The following NEK5 variants were observed in gnomAD, a reference collection of about 807,000 sequenced individuals.
The protein encoded by NEK5 is NIMA related kinase 5, also known as serine/threonine-protein kinase Nek5.
A neutral mutation model predicts 109.2 loss-of-function variants in NEK5; 88 were observed. That is an observed-to-expected ratio of 0.81 (90% confidence interval 0.68 to 0.96). NEK5 has a LOEUF of 0.96. Ranked by LOEUF, NEK5 falls within the 40% of genes least tolerant of loss-of-function variation. The pLI, the probability that NEK5 is intolerant of heterozygous loss-of-function variation, is 0.00. For synonymous variants in NEK5, 283 were observed against 299.9 expected, an observed-to-expected ratio of 0.94 and a Z score of 0.58; for missense variants, 834 against 920.7, an observed-to-expected ratio of 0.91 and a Z score of 1.22.
intron 22 of NEK5, among the ~76,000 whole-genome samples, chr13:52,054,350 T>C (rs1954533712): frequency 6.6e-6 from 1 of 152,244 alleles, no homozygotes; most frequent in Non-Finnish European, 1.5e-5. Context: ...AGTTGGAGTC[T>C]CACTCTGTCA....
Position 52,116,810 on chromosome 13 carries a change from G to A in NEK5, c.214+2509C>T, listed in dbSNP as rs147509942. ...ATGCCTGGCATATAACAGACACTTA[G>A]TGAATGTTTATTGATGGAATATACA... On this transcript the variant is annotated intron_variant, in intron 4 of 23. Transcript: ENST00000684899. Among the ~76,000 whole-genome samples the A allele has an allele frequency of 5.9e-3, 895 of 152,258 alleles. 10 individuals are homozygous for A. The highest frequency in any genetic ancestry group is 0.021 in the African/African-American group (853 of 41,522).
Position 52,037,661 on chromosome 13 carries a change from C to T in NEK5, c.2229-443G>A, listed in dbSNP as rs1257339390. Among the ~76,000 whole-genome samples, 4 of 152,146 alleles carry T rather than the reference C, an allele frequency of 2.6e-5. No individual in the cohort carries two copies. The East Asian group carries it at 7.7e-4, about 29-fold the overall frequency. On this transcript the variant is annotated intron_variant, in intron 23 of 23. Transcript: ENST00000684899. The stretch of plus-strand genomic sequence containing the variant: ...AAATGTGGCCGGGCGCGGTGGCTCA[C>T]GCCTGTAATCCCAGCACTTTGGGAG...
chr13:52,118,114 C>T (rs188454155), intron 4 of NEK5, among the ~76,000 whole-genome samples: 28 of 152,268 alleles, frequency 1.8e-4, no homozygotes, highest in Admixed American at 1.3e-3. Flanking sequence ...TTGAATGTAG[C>T]GGTTTTAATC....
chr13:52,082,043 G>A (rs1290097773), intron 17 of NEK5, among the ~76,000 whole-genome samples: 1 of 152,184 alleles, frequency 6.6e-6, no homozygotes, highest in African/African-American at 2.4e-5. Context: ...CGCTCAGGCG[G>A]GGTGGCTCAT....
intron 4 of NEK5, among the ~76,000 whole-genome samples, chr13:52,113,893 G>A (rs944929437): frequency 3.3e-5 from 5 of 152,106 alleles, no homozygotes; most frequent in Non-Finnish European, 4.4e-5. Flanking sequence ...ACAATGAGGC[G>A]GACCATCTAT....
chr13:52,052,101 A>G (rs372711592), intron 22 of NEK5, among the ~76,000 whole-genome samples: 10 of 41,646 alleles, frequency 2.4e-4, no homozygotes, highest in African/African-American at 9.2e-4. Context: ...CCCCGACCCC[A>G]CCCCCGCCCT....
intron 4 of NEK5, 51 bp from the exon 5 acceptor site, chr13:52,112,416 G>T: frequency 8.4e-7 from 1 of 1,197,412 alleles, no homozygotes; most frequent in Non-Finnish European, 1.2e-6. Context: ...ATATTTATCA[G>T]CCATGTTCTG....
In NEK5 at chr13:52,036,068, T is replaced by C. The variant is rs1323949159; in HGVS notation, c.*880A>G. ...AACTCACTAGGCTAAAATTAAGTTG[T>C]TGGCAGGGCTGTGTTCCTTCTGGAG... is the stretch of plus-strand genomic sequence containing the variant. On this transcript the variant is annotated 3_prime_UTR_variant, in exon 24 of 24. Coordinates refer to ENST00000684899, the MANE Select transcript of NEK5 (RefSeq NM_001365552.1). 2 of 152,210 alleles carry C rather than the reference T, an allele frequency of 1.3e-5. No individual in the cohort carries two copies. The highest frequency in any genetic ancestry group is 2.9e-5 in the Non-Finnish European group (2 of 68,046). The allele number at this position is 152,210 out of a possible 1,614,324, so 9.4% of individuals were successfully genotyped here.
intron 3 of NEK5, among the ~76,000 whole-genome samples, chr13:52,121,303 C>G (rs1015038454): frequency 2.6e-5 from 4 of 151,956 alleles, no homozygotes; most frequent in African/African-American, 9.7e-5. Context: ...AGACCACAGG[C>G]AAGCACCATC....
At chr13:52,048,577 C>A (rs1404381054) in intron 23 of NEK5, among the ~76,000 whole-genome samples, 2 of 152,102 alleles carry the variant, frequency 1.3e-5, no homozygotes, top group Admixed American at 1.3e-4. Flanking sequence ...AATTCATAAT[C>A]ACATCAATGC....
At chr13:52,068,416 A>G (rs745747901) in intron 20 of NEK5, among the ~76,000 whole-genome samples, 10 of 152,072 alleles carry the variant, frequency 6.6e-5, no homozygotes, top group Non-Finnish European at 1.2e-4. Flanking sequence ...TTCTTTCTAT[A>G]TGCCGCACAA....
At chr13:52,099,540 C>G (rs1243640909) in intron 12 of NEK5, among the ~76,000 whole-genome samples, 2 of 152,166 alleles carry the variant, frequency 1.3e-5, no homozygotes. Flanking sequence ...CATAGTGGCA[C>G]ACGTCTGTAG....
intron 22 of NEK5, among the ~76,000 whole-genome samples, chr13:52,051,703 G>A (rs561801523): frequency 1.1e-4 from 17 of 152,326 alleles, no homozygotes; most frequent in Middle Eastern, 6.8e-3. Flanking sequence ...ACTAAGGCAA[G>A]AGAAAAGCTG....
In NEK5 at chr13:52,076,131, C is replaced by A. The variant is rs778567246; in HGVS notation, c.1585G>T (p.Asp529Tyr). The A allele has an allele frequency of 1.9e-6, 3 of 1,587,716 alleles. No homozygotes were observed. The South Asian group carries it at 3.4e-5, about 18-fold the overall frequency. Residue 529 changes from aspartate (D) to tyrosine (Y), a missense_variant, in exon 18 of 24, where the codon GAC (aspartate) becomes TAC (tyrosine). This residue lies in a region of NEK5 where 777 missense variants were observed against 824.7 expected (regional missense o/e 0.94). Coordinates refer to ENST00000684899, the MANE Select transcript of NEK5 (RefSeq NM_001365552.1). ...TTCTGAAGCCTCATTTGTTTCAAGT[C>A]TTTTTCAATGTCCTGAAAATTTAGA... The part of the protein sequence containing the change: ...GEAPVQDIEK[D>Y]LKQMRLQNTK...
intron 12 of NEK5, among the ~76,000 whole-genome samples, chr13:52,097,944 T>C (rs771050580): frequency 6.6e-6 from 1 of 152,180 alleles, no homozygotes. Context: ...ACTGTTCTTG[T>C]GATAGTAAGT....
chr13:52,118,751 AG>A (rs1955909807), intron 4 of NEK5, among the ~76,000 whole-genome samples: 1 of 152,066 alleles, frequency 6.6e-6, no homozygotes, highest in Admixed American at 6.5e-5. Context: ...GCTCTCTGTA[AG>A]AGGATTACAC....
intron 17 of NEK5, among the ~76,000 whole-genome samples, chr13:52,082,695 G>A (rs1317481462): frequency 6.6e-6 from 1 of 152,176 alleles, no homozygotes; most frequent in African/African-American, 2.4e-5. Flanking sequence ...CAATGTGTCT[G>A]ATACACTGAC....
At position 52,093,403 on chromosome 13, in the gene NEK5, T is replaced by C. The variant is rs141418967; in HGVS notation, c.1027-168A>G. Among the ~76,000 whole-genome samples the C allele has an allele frequency of 4.6e-3, 706 of 151,948 alleles. 9 individuals carry two copies. The highest frequency in any genetic ancestry group is 0.016 in the African/African-American group (674 of 41,404). ...GGCAAAACCTCGTCTGTACTAAAAATACAAAAATTATCCAGGCATGGTGGC... is the reference window on the plus strand; with the variant it reads ...GGCAAAACCTCGTCTGTACTAAAAACACAAAAATTATCCAGGCATGGTGGC... On this transcript the variant is annotated intron_variant, in intron 12 of 23. Coordinates refer to ENST00000684899, the MANE Select transcript of NEK5 (RefSeq NM_001365552.1).
intron 23 of NEK5, among the ~76,000 whole-genome samples, chr13:52,038,504 T>C (rs1410170751): frequency 3.3e-5 from 5 of 152,068 alleles, no homozygotes; most frequent in Admixed American, 3.3e-4. Context: ...TTCAGATGAG[T>C]GCCGTGCAGC....
Sources: allele counts gnomAD v4.1 joint callset (sites outside exome capture counted in the v4.1 genomes callset), GRCh38; gene constraint gnomAD v4.1.1; regional missense constraint gnomAD v4.1.1; transcripts MANE v1.5; gene names NCBI Gene and HGNC (gene_info 2026-07-23, HGNC 2026-07-21).